KLHL31: variants seen among roughly 807,000 people sequenced by gnomAD.
KLHL31 encodes kelch like family member 31.
KLHL31 carries 32 observed loss-of-function variants against 47.1 expected under a neutral mutation model. The observed-to-expected ratio is 0.68, with a 90% CI of 0.51 to 0.91. The LOEUF is 0.91. KLHL31 is among the 40% of genes least tolerant of loss of function. The pLI is 0.00. For synonymous variants in KLHL31, 330 were observed against 325.1 expected, an observed-to-expected ratio of 1.01 and a Z score of -0.16; for missense variants, 797 against 819.3, an observed-to-expected ratio of 0.97 and a Z score of 0.33.
At chr6:53,653,913 A>G (rs1438857496) in intron 2 of KLHL31, among the ~76,000 whole-genome samples, 188 bp downstream of exon 2, 1 of 152,208 alleles carries the variant, frequency 6.6e-6, no homozygotes, top group African/African-American at 2.4e-5. Context: ...AGAAATCTAT[A>G]GTGCAAAATA....
rs201420152 is a variant in KLHL31, at chr6:53,652,275, T to C, written c.1228A>G (p.Thr410Ala). ...IHLASMNQKRTHFSLSVFNGL... is the reference protein window; with the variant it reads ...IHLASMNQKRAHFSLSVFNGL... ...TTGAACACGCTCAGGCTGAAGTGCG[T>C]GCGCTTCTGGTTCATGCTGGCCAGG... The change falls in exon 3 of 3, where the codon ACG (threonine) becomes GCG (alanine). Residue 410 changes from threonine (T) to alanine (A), a missense_variant. By Grantham distance (58) the Thr-to-Ala change is moderately conservative (BLOSUM62 0). Transcript: ENST00000370905. 1.0e-3 allele frequency: 1,654 copies of C among 1,614,180 alleles called. 25 individuals carry two copies. The highest frequency in any genetic ancestry group is 1.2e-4 in the Non-Finnish European group (146 of 1,180,044).
chr6:53,662,552 G>T (rs1764662434), intron 1 of KLHL31, among the ~76,000 whole-genome samples: 1 of 152,130 alleles, frequency 6.6e-6, no homozygotes, highest in Non-Finnish European at 1.5e-5. Context: ...GAAGCCCAGA[G>T]CATTCACCTT....
At chr6:53,660,620 C>T (rs910380451) in intron 1 of KLHL31, among the ~76,000 whole-genome samples, 3 of 152,104 alleles carry the variant, frequency 2.0e-5, no homozygotes, top group Non-Finnish European at 2.9e-5. Flanking sequence ...TCAAGACCAG[C>T]CTGGCCAACA....
intron 1 of KLHL31, among the ~76,000 whole-genome samples, chr6:53,662,701 C>T (rs1028193327): frequency 2.0e-5 from 3 of 152,222 alleles, no homozygotes; most frequent in Non-Finnish European, 4.4e-5. Context: ...ACACTCCCCT[C>T]CCCATGCCTA....
chr6:53,651,997 G>C lies in KLHL31; in HGVS notation c.1506C>G (p.Pro502=), dbSNP rs1369199021. The C allele has an allele frequency of 1.3e-6, 2 of 1,592,882 alleles. No homozygotes were observed. The highest frequency in any genetic ancestry group is 1.3e-5 in the African/African-American group (1 of 74,778). ...GCGTGACCGCGCAGTGCCAGCCCCGGGGTGTGCTGAGGTTCGGCAGCTCCT... is the reference window on the plus strand; with the variant it reads ...GCGTGACCGCGCAGTGCCAGCCCCGCGGTGTGCTGAGGTTCGGCAGCTCCT... ...SWQELPNLST[P]RGWHCAVTLS... The change falls in exon 3 of 3, where the codon CCC becomes CCG. Residue 502 remains proline (P), a synonymous_variant. Coordinates refer to ENST00000370905, the MANE Select transcript of KLHL31 (RefSeq NM_001003760.5).
At chr6:53,658,966 A>G (rs1227358868) in intron 1 of KLHL31, among the ~76,000 whole-genome samples, 1 of 152,238 alleles carries the variant, frequency 6.6e-6, no homozygotes, top group East Asian at 1.9e-4. Flanking sequence ...GAAGATAATA[A>G]TAGTGCCTGC....
At chr6:53,663,343 A>T (rs1037986759) in intron 1 of KLHL31, among the ~76,000 whole-genome samples, 2 of 152,218 alleles carry the variant, frequency 1.3e-5, no homozygotes, top group African/African-American at 4.8e-5. Flanking sequence ...AGAATAAAAG[A>T]GTTACCTTTT....
chr6:53,653,162 T>C (rs996803136), intron 2 of KLHL31, among the ~76,000 whole-genome samples: 9 of 152,190 alleles, frequency 5.9e-5, no homozygotes, highest in Admixed American at 2.0e-4. Context: ...AACTGATGCT[T>C]TCCTGTTGAC....
intron 1 of KLHL31, among the ~76,000 whole-genome samples, chr6:53,663,756 T>C (rs1764680510): frequency 6.6e-6 from 1 of 152,224 alleles, no homozygotes; most frequent in South Asian, 2.1e-4. Context: ...TCTTTTTCTT[T>C]CCTAGTATTT....
chr6:53,663,404 T>C (rs1452696947), intron 1 of KLHL31, among the ~76,000 whole-genome samples: 1 of 152,236 alleles, frequency 6.6e-6, no homozygotes, highest in African/African-American at 2.4e-5. Flanking sequence ...TGGATTTCTT[T>C]ATCCTATTAA....
intron 1 of KLHL31, among the ~76,000 whole-genome samples, chr6:53,655,583 T>C (rs1764548389): frequency 6.8e-6 from 1 of 147,122 alleles, no homozygotes; most frequent in Non-Finnish European, 1.5e-5. Flanking sequence ...GTGACCACAT[T>C]TTCTTTCTTT....
At position 53,651,419 on chromosome 6, in the gene KLHL31, A is replaced by AAAAAAAAAAAAAATGT; in HGVS notation, c.*178_*179insACATTTTTTTTTTTTT. 1 of 358,180 alleles carries AAAAAAAAAAAAAATGT rather than the reference A, an allele frequency of 2.8e-6. No individual in the cohort carries two copies. 22.2% of individuals were successfully genotyped at this position (358,180 alleles called of 1,614,324 possible). A position where few individuals can be genotyped will look rare whatever the true frequency, so the allele number is the denominator to read the frequency against. ...TTTGCTAAAAAAAAAAAAAAAAAAA[A>AAAAAAAAAAAAAATGT]GAGGTAGATTATGCCATACCAGGAA... On this transcript the variant is annotated 3_prime_UTR_variant, in exon 3 of 3. Transcript: ENST00000370905.
At chr6:53,652,435 G>A (rs1336401069) in intron 2 of KLHL31, 105 bp from the exon 3 acceptor site, 1 of 1,435,028 alleles carries the variant, frequency 7.0e-7, no homozygotes, top group Non-Finnish European at 9.6e-7. Context: ...CCTGCAAGGA[G>A]GCGAGGGACC....
At chr6:53,662,222 G>A (rs1210326944) in intron 1 of KLHL31, among the ~76,000 whole-genome samples, 1 of 152,208 alleles carries the variant, frequency 6.6e-6, no homozygotes, top group Non-Finnish European at 1.5e-5. Context: ...TTTCCTAAAT[G>A]ACAGCAGGCT....
chr6:53,652,603 G>A (rs1254679987), intron 2 of KLHL31, among the ~76,000 whole-genome samples: 2 of 152,144 alleles, frequency 1.3e-5, no homozygotes, highest in Non-Finnish European at 2.9e-5. Flanking sequence ...ACTTGGAGAA[G>A]AGCCCACAGA....
In KLHL31 at chr6:53,651,617, G is replaced by A; in HGVS notation, c.1886C>T (p.Ser629Phe). ...CTGGGCTCAGATACTGACTGGCACA[G>A]AAGATACCGAACTGGCCCGGGATTC... The part of the protein sequence containing the change: ...TRESRASSVS[S>F]VPVSI The change falls in exon 3 of 3, where the codon TCT becomes TTT. Residue 629 changes from serine to phenylalanine, a missense_variant. Coordinates refer to ENST00000370905, the MANE Select transcript of KLHL31 (RefSeq NM_001003760.5). The A allele has an allele frequency of 6.2e-7, 1 of 1,613,870 alleles. No individual in the cohort carries two copies.
chr6:53,657,625 T>TGC (rs1764582645), intron 1 of KLHL31, among the ~76,000 whole-genome samples: 1 of 148,022 alleles, frequency 6.8e-6, no homozygotes, highest in African/African-American at 2.6e-5. Flanking sequence ...TGTGTGTGTG[T>TGC]GTGTGTGTGT....
intron 1 of KLHL31, among the ~76,000 whole-genome samples, chr6:53,661,151 C>T (rs1030623202): frequency 1.3e-5 from 2 of 152,194 alleles, no homozygotes; most frequent in Non-Finnish European, 2.9e-5. Flanking sequence ...GCCTGTGGCA[C>T]TGCTCCTGCA....
chr6:53,655,114 A>G lies in KLHL31; in HGVS notation c.159T>C (p.Ala53=). Residue 53 remains alanine, a synonymous_variant, in exon 2 of 3, where the codon GCT becomes GCC. Transcript: ENST00000370905. ...LSCISSELTD[A]SYGPNLLEGL... ...CTTCCAAGAGGTTGGGGCCATAAGAAGCATCTGTTAGTTCAGAAGAAATGC... is the reference window on the plus strand; with the variant it reads ...CTTCCAAGAGGTTGGGGCCATAAGAGGCATCTGTTAGTTCAGAAGAAATGC... 1.2e-6 allele frequency: 2 copies of G among 1,614,202 alleles called. No individual in the cohort carries two copies. Among genetic ancestry groups the G allele is most frequent in the Non-Finnish European group, 1.7e-6 (2 of 1,180,022 alleles).
Sources: allele counts gnomAD v4.1 joint callset (sites outside exome capture counted in the v4.1 genomes callset), GRCh38; gene constraint gnomAD v4.1.1; transcripts MANE v1.5; gene names NCBI Gene and HGNC (gene_info 2026-07-23, HGNC 2026-07-21).